The following PEBP4 variants were observed in gnomAD, a reference collection of about 807,000 sequenced individuals.
PEBP4 encodes phosphatidylethanolamine binding protein 4, also known as phosphatidylethanolamine-binding protein 4.
A neutral mutation model predicts 23.9 loss-of-function variants in PEBP4; 22 were observed. The observed-to-expected ratio is 0.92, with a 90% CI of 0.66 to 1.31. The LOEUF (loss-of-function observed/expected upper bound fraction) is 1.31, where lower values mean the gene tolerates loss of function less well. Ranked by LOEUF, PEBP4 falls within the 40% of genes most tolerant of loss-of-function variation. The probability of loss-of-function intolerance (pLI) is 0.00; values close to 1 mark genes in which losing one functional copy is unlikely to be tolerated. For synonymous variants in PEBP4, 112 were observed against 99.3 expected, an observed-to-expected ratio of 1.13 and a Z score of -0.76; for missense variants, 324 against 281.7, an observed-to-expected ratio of 1.15 and a Z score of -1.07.
intron 5 of PEBP4, among the ~76,000 whole-genome samples, chr8:22,725,964 T>C (rs1270072411): frequency 1.3e-5 from 2 of 152,040 alleles, no homozygotes; most frequent in South Asian, 2.1e-4. Flanking sequence ...TGACGATTCA[T>C]CTTTCCCTGC....
At chr8:22,921,541 G>A (rs919277763) in intron 2 of PEBP4, among the ~76,000 whole-genome samples, 9 of 152,160 alleles carry the variant, frequency 5.9e-5, no homozygotes, top group Non-Finnish European at 1.0e-4. Flanking sequence ...CCTTCCAGTG[G>A]CTCCTGAAGT....
chr8:22,927,693 C>T lies in PEBP4; in HGVS notation c.22G>A (p.Val8Ile). Residue 8 changes from valine to isoleucine, a missense_variant, in exon 2 of 7, where the codon GTC becomes ATC. Coordinates refer to ENST00000256404, the MANE Select transcript of PEBP4 (RefSeq NM_144962.3). The part of the protein sequence containing the change: MGWTMRL[V>I]TAALLLGLMM... Reference sequence around the variant, plus strand: ...AGACCCAGTAACAGTGCTGCTGTGACCAGCCTCATTGTCCAACCCATGGGC... The same window carrying T: ...AGACCCAGTAACAGTGCTGCTGTGATCAGCCTCATTGTCCAACCCATGGGC... 4 of 1,613,830 alleles carry T rather than the reference C, an allele frequency of 2.5e-6. No individual in the cohort carries two copies. The highest frequency in any genetic ancestry group is 3.4e-6 in the Non-Finnish European group (4 of 1,179,822).
intron 2 of PEBP4, among the ~76,000 whole-genome samples, 198 bp downstream of exon 2, chr8:22,927,386 G>T (rs1178046657): frequency 6.6e-6 from 1 of 152,130 alleles, no homozygotes; most frequent in East Asian, 1.9e-4. Flanking sequence ...ATTCTGGAAG[G>T]CAGGAAGGAG....
At chr8:22,883,915 G>C (rs1408148226) in intron 3 of PEBP4, 1 of 152,068 alleles carries the variant, frequency 6.6e-6, no homozygotes, top group East Asian at 1.9e-4. Context: ...AAAAAGGGGG[G>C]ACAACTCCAC....
chr8:22,836,081 G>A (rs1005910890), intron 3 of PEBP4, among the ~76,000 whole-genome samples: 5 of 152,246 alleles, frequency 3.3e-5, no homozygotes, highest in Non-Finnish European at 5.9e-5. Flanking sequence ...AACTTCAGAT[G>A]TGAATCCTAC....
intron 3 of PEBP4, among the ~76,000 whole-genome samples, chr8:22,840,202 C>G (rs1222817665): frequency 6.6e-6 from 1 of 152,092 alleles, no homozygotes; most frequent in African/African-American, 2.4e-5. Flanking sequence ...ATAGATTTTG[C>G]CTGTCTTCCT....
At chr8:22,909,597 G>A (rs976278766) in intron 3 of PEBP4, among the ~76,000 whole-genome samples, 5 of 152,126 alleles carry the variant, frequency 3.3e-5, no homozygotes, top group Admixed American at 2.0e-4. Flanking sequence ...CCAGGGCCTG[G>A]AGCAGTCCCT....
At chr8:22,734,482 T>C (rs1290125284) in intron 4 of PEBP4, among the ~76,000 whole-genome samples, 1 of 152,182 alleles carries the variant, frequency 6.6e-6, no homozygotes, top group Non-Finnish European at 1.5e-5. Flanking sequence ...GAAATGTCCA[T>C]ATCAAAGACT....
At chr8:22,796,843 A>G (rs4872025) in intron 4 of PEBP4, among the ~76,000 whole-genome samples, 96,500 of 151,902 alleles carry the variant, frequency 0.64, 30,886 homozygotes, top group South Asian at 0.71. Flanking sequence ...TATTGGATAC[A>G]ATGTACACTA....
chr8:22,894,767 C>G (rs866828614), intron 3 of PEBP4, among the ~76,000 whole-genome samples: 1 of 152,200 alleles, frequency 6.6e-6, no homozygotes, highest in Non-Finnish European at 1.5e-5. Context: ...TTCACAGCCT[C>G]ATCAGGTCTC....
intron 4 of PEBP4, among the ~76,000 whole-genome samples, chr8:22,739,519 C>A (rs1471775333): frequency 1.3e-5 from 2 of 152,156 alleles, no homozygotes; most frequent in South Asian, 2.1e-4. Flanking sequence ...CTGACCAGAC[C>A]TTTGCTCTCT....
chr8:22,920,681 A>G (rs1311066003), intron 2 of PEBP4, among the ~76,000 whole-genome samples: 1 of 152,234 alleles, frequency 6.6e-6, no homozygotes, highest in Non-Finnish European at 1.5e-5. Context: ...AGTAGGATTG[A>G]GTTTATAAAA....
chr8:22,886,483 G>C (rs1045820529), intron 3 of PEBP4: 1 of 152,284 alleles, frequency 6.6e-6, no homozygotes, highest in African/African-American at 2.4e-5. Flanking sequence ...GGAGGTGTAA[G>C]GGTTAAATGG....
chr8:22,792,462 C>T (rs1187587133), intron 4 of PEBP4, among the ~76,000 whole-genome samples: 1 of 152,006 alleles, frequency 6.6e-6, no homozygotes, highest in Non-Finnish European at 1.5e-5. Context: ...TGGTATCGGT[C>T]CGTGTCCTTG....
Position 22,743,020 on chromosome 8 carries a change from G to T in PEBP4, c.358-15800C>A, listed in dbSNP as rs142905289. 3.1e-3 allele frequency among the ~76,000 whole-genome samples: 465 copies of T among 152,268 alleles called. 3 individuals are homozygous for T. The highest frequency in any genetic ancestry group is 0.01 in the African/African-American group (420 of 41,532). ...CTGCATAGACTCTCTGCCAGCTACT[G>T]GTGCTTGGTTGGGGCAGGCGGTGAA... On this transcript the variant is annotated intron_variant, in intron 4 of 6. Transcript: ENST00000256404.
intron 3 of PEBP4, among the ~76,000 whole-genome samples, chr8:22,874,017 C>T (rs1432270123): frequency 6.6e-6 from 1 of 152,092 alleles, no homozygotes; most frequent in East Asian, 1.9e-4. Context: ...AAAAGCCAAA[C>T]CCAGCAAAAA....
chr8:22,822,901 C>T (rs61701897), intron 3 of PEBP4, among the ~76,000 whole-genome samples: 5,550 of 152,018 alleles, frequency 0.037, 298 homozygotes, highest in African/African-American at 0.11. Context: ...CTGGCACAAT[C>T]CCAATCAAAA....
chr8:22,885,209 T>A (rs1255348472), intron 3 of PEBP4: 2 of 152,172 alleles, frequency 1.3e-5, no homozygotes, highest in African/African-American at 2.4e-5. Flanking sequence ...TATTGAGAGC[T>A]TATGAGTGCT....
chr8:22,769,085 C>T (rs1296445186), intron 4 of PEBP4, among the ~76,000 whole-genome samples: 2 of 152,148 alleles, frequency 1.3e-5, no homozygotes, highest in Non-Finnish European at 2.9e-5. Context: ...CCTGTGTCCC[C>T]CAGGGACGAT....
Sources: gnomAD v4.1 joint callset for allele counts (sites outside exome capture counted in the v4.1 genomes callset) on GRCh38, gnomAD v4.1.1 for gene constraint, MANE v1.5 for transcripts, NCBI Gene and HGNC (gene_info 2026-07-23, HGNC 2026-07-21) for gene names.